Variants in KCTD16 observed in about 807,000 individuals in gnomAD.
The protein encoded by KCTD16 is potassium channel tetramerization domain containing 16.
In KCTD16, 13 loss-of-function variants were observed where a neutral mutation model predicts 33.2. The observed-to-expected ratio is 0.39, with a 90% CI of 0.25 to 0.62. The LOEUF (loss-of-function observed/expected upper bound fraction) is 0.62, where lower values mean the gene tolerates loss of function less well. KCTD16 is among the 20% of genes least tolerant of loss of function. The pLI, the probability that KCTD16 is intolerant of heterozygous loss-of-function variation, is 0.50. For missense variants in KCTD16, 441 were observed against 525.1 expected (o/e 0.84, Z 1.57); for synonymous variants, 197 against 195.3 (o/e 1.01, Z -0.07).
In KCTD16 at chr5:144,474,581, T is replaced by A. The variant is rs77259030; in HGVS notation, c.*467T>A. The stretch of plus-strand genomic sequence containing the variant: ...TATGGGGTTGGGGGGAATGGCAGAT[T>A]TATATGACTTTTCACTCAAATCTAT... On this transcript the variant is annotated 3_prime_UTR_variant, in exon 4 of 4. Transcript: ENST00000512467. 113 of 163,752 alleles carry A rather than the reference T, an allele frequency of 6.9e-4. 8 individuals are homozygous for A. In the East Asian group the frequency reaches 0.018, roughly 26 times the overall value. 10.1% of individuals were successfully genotyped at this position (163,752 alleles called of 1,614,324 possible). A position where few individuals can be genotyped will look rare whatever the true frequency, so the allele number is the denominator to read the frequency against.
rs553602642 is a variant in KCTD16 at position 144,225,432 on chromosome 5, C to T, written c.832+17886C>T. Among the ~76,000 whole-genome samples the T allele has an allele frequency of 6.6e-5, 10 of 152,062 alleles. No individual in the cohort carries two copies. The South Asian group carries it at 1.5e-3, about 22-fold the overall frequency. The stretch of plus-strand genomic sequence containing the variant: ...TAAGAATTTGATTTCCTAGGTACCA[C>T]GGATATGAAAAGGCACAGAATTTCA... On this transcript the variant is annotated intron_variant, in intron 3 of 3. Transcript: ENST00000512467.
intron 2 of KCTD16, among the ~76,000 whole-genome samples, chr5:144,200,603 A>G (rs1753025709): frequency 6.6e-6 from 1 of 152,186 alleles, no homozygotes; most frequent in Admixed American, 6.5e-5. Context: ...AGATGGTTTC[A>G]TTTTATAGAT....
intron 3 of KCTD16, among the ~76,000 whole-genome samples, chr5:144,409,755 T>A (rs188669327): frequency 6.6e-6 from 1 of 152,168 alleles, no homozygotes; most frequent in Non-Finnish European, 1.5e-5. Flanking sequence ...AGGCAGAGTT[T>A]GCAGTGAGCC....
Position 144,479,365 on chromosome 5 carries a change from C to CAAAAAAAAAAAAAAAAAAAAAAAAAAA in KCTD16, c.*5267_*5268insAAAAAAAAAAAAAAAAAAAAAAAAAAA, listed in dbSNP as rs368957124. 3 of 92,466 alleles carry CAAAAAAAAAAAAAAAAAAAAAAAAAAA rather than the reference C, an allele frequency of 3.2e-5. No homozygotes were observed. Among genetic ancestry groups the CAAAAAAAAAAAAAAAAAAAAAAAAAAA allele is most frequent in the Non-Finnish European group, 6.1e-5 (3 of 48,960 alleles). 5.7% of individuals were successfully genotyped at this position (92,466 alleles called of 1,614,324 possible). On this transcript the variant is annotated 3_prime_UTR_variant, in exon 4 of 4. Coordinates refer to ENST00000512467, the MANE Select transcript of KCTD16 (RefSeq NM_020768.4). ...CCAAACTGATGTGTAAGAATAAATGCAAAAAAAAAAAAAAAAGAAAAAGAA... is the reference window on the plus strand; with the variant it reads ...CCAAACTGATGTGTAAGAATAAATGCAAAAAAAAAAAAAAAAAAAAAAAAAAAAAAAAAAAAAAAAAAAGAAAAAGAA...
chr5:144,264,892 T>G (rs965799117), intron 3 of KCTD16, among the ~76,000 whole-genome samples: 3 of 152,208 alleles, frequency 2.0e-5, no homozygotes, highest in Non-Finnish European at 4.4e-5. Flanking sequence ...ACTAATCACA[T>G]AATTTAAGGC....
chr5:144,275,893 A>C (rs1433588395), intron 3 of KCTD16, among the ~76,000 whole-genome samples: 1 of 152,174 alleles, frequency 6.6e-6, no homozygotes, highest in African/African-American at 2.4e-5. Flanking sequence ...TTCTTACAAC[A>C]AGCTGTACCA....
Position 144,386,856 on chromosome 5 carries a change from A to G in KCTD16, c.833-86804A>G, listed in dbSNP as rs529680384. Among the ~76,000 whole-genome samples the G allele has an allele frequency of 2.0e-5, 3 of 152,340 alleles. No individual in the cohort carries two copies. The East Asian group carries it at 5.8e-4, about 29-fold the overall frequency. On this transcript the variant is annotated intron_variant, in intron 3 of 3. Transcript: ENST00000512467. ...CAGGCTCCATCAGTCTGAATGTGCTAATGCACATGAGAGTACTTGGTAAGC... is the reference window on the plus strand; with the variant it reads ...CAGGCTCCATCAGTCTGAATGTGCTGATGCACATGAGAGTACTTGGTAAGC...
chr5:144,272,631 T>G (rs554884375), intron 3 of KCTD16, among the ~76,000 whole-genome samples: 2 of 152,096 alleles, frequency 1.3e-5, no homozygotes, highest in Non-Finnish European at 2.9e-5. Flanking sequence ...TATAGACCCA[T>G]AGAATATCAG....
chr5:144,378,194 T>C (rs971324195), intron 3 of KCTD16, among the ~76,000 whole-genome samples: 11 of 152,148 alleles, frequency 7.2e-5, no homozygotes, highest in Non-Finnish European at 2.9e-5. Context: ...ACTACTAGCC[T>C]GGAGGTTGGG....
At chr5:144,190,941 C>T (rs537733096) in intron 2 of KCTD16, among the ~76,000 whole-genome samples, 4 of 152,166 alleles carry the variant, frequency 2.6e-5, no homozygotes, top group Non-Finnish European at 5.9e-5. Flanking sequence ...ACACACACCA[C>T]AACACACATA....
chr5:144,258,285 A>T (rs1754906698), intron 3 of KCTD16, among the ~76,000 whole-genome samples: 1 of 151,844 alleles, frequency 6.6e-6, no homozygotes, highest in African/African-American at 2.4e-5. Context: ...ATTCTACTAC[A>T]TATTATTATT....
At position 144,218,907 on chromosome 5, in the gene KCTD16, G is replaced by A. The variant is rs150251135; in HGVS notation, c.832+11361G>A. On this transcript the variant is annotated intron_variant, in intron 3 of 3. Coordinates refer to ENST00000512467, the MANE Select transcript of KCTD16 (RefSeq NM_020768.4). ...AGTGTAAAATAAATGAGATTTTCCCGCATTTTACTTTCTAATCACTTTTAA... is the reference window on the plus strand; with the variant it reads ...AGTGTAAAATAAATGAGATTTTCCCACATTTTACTTTCTAATCACTTTTAA... 2.6e-3 allele frequency among the ~76,000 whole-genome samples: 390 copies of A among 152,198 alleles called. 2 individuals carry two copies. Among genetic ancestry groups the A allele is most frequent in the African/African-American group, 7.8e-3 (323 of 41,540 alleles).
intron 3 of KCTD16, among the ~76,000 whole-genome samples, chr5:144,283,498 C>T (rs555483295): frequency 1.3e-5 from 2 of 152,286 alleles, no homozygotes; most frequent in East Asian, 1.9e-4. Flanking sequence ...TACTGTATGT[C>T]GCTTTGGTCA....
At chr5:144,441,182 T>C (rs1580967575) in intron 3 of KCTD16, among the ~76,000 whole-genome samples, 1 of 152,148 alleles carries the variant, frequency 6.6e-6, no homozygotes, top group Non-Finnish European at 1.5e-5. Flanking sequence ...AGATGTATGA[T>C]GTGTGAATAT....
intron 3 of KCTD16, among the ~76,000 whole-genome samples, chr5:144,357,695 A>G (rs988336455): frequency 6.6e-6 from 1 of 152,228 alleles, no homozygotes; most frequent in African/African-American, 2.4e-5. Flanking sequence ...ACCTCAAAGA[A>G]TAGGCAGGAG....
At chr5:144,180,572 G>C (rs377050595) in intron 2 of KCTD16, among the ~76,000 whole-genome samples, 6 of 152,180 alleles carry the variant, frequency 3.9e-5, no homozygotes, top group South Asian at 2.1e-4. Flanking sequence ...AGGCTTGTTG[G>C]GGGTAGCTCA....
intron 3 of KCTD16, among the ~76,000 whole-genome samples, chr5:144,214,644 G>T (rs1753504823): frequency 1.3e-5 from 2 of 152,084 alleles, no homozygotes; most frequent in South Asian, 4.1e-4. Flanking sequence ...CCTCTGCCTG[G>T]AACTCTGCCT....
chr5:144,403,414 C>G (rs181443560), intron 3 of KCTD16, among the ~76,000 whole-genome samples: 2 of 151,960 alleles, frequency 1.3e-5, no homozygotes, highest in African/African-American at 4.8e-5. Context: ...CCTGTGAAGA[C>G]ACATAGACAG....
At chr5:144,291,431 A>G (rs1755892992) in intron 3 of KCTD16, among the ~76,000 whole-genome samples, 1 of 152,312 alleles carries the variant, frequency 6.6e-6, no homozygotes, top group Admixed American at 6.5e-5. Context: ...AACTCAGCAT[A>G]TACTACTAAT....
Sources: gnomAD v4.1 joint callset for allele counts (sites outside exome capture counted in the v4.1 genomes callset) on GRCh38, gnomAD v4.1.1 for gene constraint, MANE v1.5 for transcripts, NCBI Gene and HGNC (gene_info 2026-07-23, HGNC 2026-07-21) for gene names.